Variants in RBFOX1 observed in about 807,000 individuals in gnomAD.
The protein encoded by RBFOX1 is RNA binding protein fox-1 homolog 1.
Under a neutral mutation model 57.7 loss-of-function variants are expected in RBFOX1, and 8 were observed. The ratio of observed to expected loss-of-function variants is 0.14; its 90% CI spans 0.08 to 0.25. The LOEUF is 0.25. RBFOX1 is among the 10% of genes least tolerant of loss of function. The pLI is 1.00. For synonymous variants in RBFOX1, 326 were observed against 222.4 expected (o/e 1.47, Z -4.15); for missense variants, 611 against 548.5 (o/e 1.11, Z -1.14).
chr16:7,077,465 T>G (rs534815469), intron 4 of RBFOX1, among the ~76,000 whole-genome samples: 4 of 149,948 alleles, frequency 2.7e-5, no homozygotes, highest in East Asian at 3.9e-4. Flanking sequence ...CGAACTAATC[T>G]GTGAATAACT....
intron 2 of RBFOX1, among the ~76,000 whole-genome samples, chr16:5,486,971 T>C (rs2042649664): frequency 6.6e-6 from 1 of 152,230 alleles, no homozygotes; most frequent in South Asian, 2.1e-4. Flanking sequence ...GAGACTCCGG[T>C]CCCCTGTAAT....
chr16:6,663,699 T>A (rs1038056164), intron 3 of RBFOX1, among the ~76,000 whole-genome samples: 1 of 152,238 alleles, frequency 6.6e-6, no homozygotes, highest in Non-Finnish European at 1.5e-5. Context: ...TTTAAGGCCG[T>A]TAGGCATATA....
At chr16:6,460,981 A>G (rs577222729) in intron 2 of RBFOX1, among the ~76,000 whole-genome samples, 1 of 152,174 alleles carries the variant, frequency 6.6e-6, no homozygotes, top group Non-Finnish European at 1.5e-5. Flanking sequence ...GGAAGCCATT[A>G]CCTTAGCAAA....
intron 1 of RBFOX1, among the ~76,000 whole-genome samples, chr16:6,204,293 T>C (rs945445171): frequency 5.3e-5 from 8 of 152,168 alleles, no homozygotes; most frequent in African/African-American, 1.9e-4. Context: ...CATGGATTGG[T>C]AATTTCATGA....
intron 3 of RBFOX1, among the ~76,000 whole-genome samples, chr16:6,692,899 T>C (rs546352997): frequency 6.6e-6 from 1 of 151,780 alleles, no homozygotes; most frequent in South Asian, 2.1e-4. Context: ...ACCATCATTA[T>C]CAGCATCATC....
chr16:5,355,249 G>A (rs2065357991), intron 1 of RBFOX1, among the ~76,000 whole-genome samples: 1 of 152,184 alleles, frequency 6.6e-6, no homozygotes, highest in Non-Finnish European at 1.5e-5. Flanking sequence ...GGAAATGGCA[G>A]ATGGCACACT....
chr16:5,258,192 A>T (rs2062638030), intron 1 of RBFOX1, among the ~76,000 whole-genome samples: 1 of 152,078 alleles, frequency 6.6e-6, no homozygotes, highest in Non-Finnish European at 1.5e-5. Context: ...AAGGTTTTTT[A>T]TTATTATTAT....
intron 5 of RBFOX1, among the ~76,000 whole-genome samples, chr16:7,534,979 C>T (rs566294838): frequency 2.0e-5 from 3 of 152,272 alleles, no homozygotes; most frequent in East Asian, 3.9e-4. Flanking sequence ...ACTGTAGACA[C>T]GAGGTAATTA....
At chr16:6,398,309 C>T (rs527485790) in intron 2 of RBFOX1, among the ~76,000 whole-genome samples, 1 of 152,250 alleles carries the variant, frequency 6.6e-6, no homozygotes, top group South Asian at 2.1e-4. Flanking sequence ...TGCTCCTGGT[C>T]CTTTCCAAAT....
At chr16:7,453,014 A>C (rs975468019) in intron 4 of RBFOX1, among the ~76,000 whole-genome samples, 2 of 151,890 alleles carry the variant, frequency 1.3e-5, no homozygotes, top group Admixed American at 1.3e-4. Flanking sequence ...CTGTAATTGC[A>C]GCTACTAGGG....
chr16:7,077,491 T>C (rs577520101), intron 4 of RBFOX1, among the ~76,000 whole-genome samples: 118 of 152,280 alleles, frequency 7.7e-4, no homozygotes, highest in Non-Finnish European at 1.4e-3. Context: ...ATTAGTAAGA[T>C]CATAAACATG....
intron 2 of RBFOX1, among the ~76,000 whole-genome samples, chr16:5,514,808 G>T (rs915633448): frequency 6.6e-6 from 1 of 152,062 alleles, no homozygotes; most frequent in Non-Finnish European, 1.5e-5. Flanking sequence ...AGATAACATA[G>T]TTCTGCCTTC....
intron 4 of RBFOX1, among the ~76,000 whole-genome samples, chr16:7,363,122 T>A (rs2097361882): frequency 6.6e-6 from 1 of 152,152 alleles, no homozygotes; most frequent in Non-Finnish European, 1.5e-5. Context: ...TCTTACGCTG[T>A]GACTGCTGGG....
At chr16:6,616,704 G>C (rs567729613) in intron 2 of RBFOX1, among the ~76,000 whole-genome samples, 1 of 152,146 alleles carries the variant, frequency 6.6e-6, no homozygotes, top group African/African-American at 2.4e-5. Flanking sequence ...CAAAGTTCTG[G>C]GATTGCAGGC....
chr16:5,289,264 A>T lies in RBFOX1; in HGVS notation c.219+49159A>T, dbSNP rs138293490. 4.2e-3 allele frequency: 1,672 copies of T among 397,202 alleles called. 25 individuals carry two copies. Among genetic ancestry groups the T allele is most frequent in the African/African-American group, 0.032 (1,548 of 49,028 alleles). The allele number at this position is 397,202 out of a possible 1,614,324, so 24.6% of individuals were successfully genotyped here. ...CATGAGACGGGCAGGAGGTTTCATC[A>T]TTGGGCACCCAGGCATCATGGGCAT... On this transcript the variant is annotated intron_variant, in intron 1 of 2. Coordinates refer to the RBFOX1 transcript ENST00000585867.
intron 4 of RBFOX1, among the ~76,000 whole-genome samples, chr16:7,396,751 C>G (rs1023278418): frequency 6.6e-6 from 1 of 152,096 alleles, no homozygotes; most frequent in Non-Finnish European, 1.5e-5. Context: ...AACAGCCTTG[C>G]CAACACTATG....
chr16:6,923,198 C>T (rs988374097), intron 3 of RBFOX1, among the ~76,000 whole-genome samples: 1 of 152,146 alleles, frequency 6.6e-6, no homozygotes, highest in Non-Finnish European at 1.5e-5. Context: ...TCTTCAGTTG[C>T]CTGCCTGAGC....
chr16:7,444,080 C>T (rs1360158707), intron 4 of RBFOX1, among the ~76,000 whole-genome samples: 1 of 152,210 alleles, frequency 6.6e-6, no homozygotes, highest in Non-Finnish European at 1.5e-5. Flanking sequence ...AACAAGACCA[C>T]ACATGTGCAA....
intron 1 of RBFOX1, among the ~76,000 whole-genome samples, chr16:6,086,621 T>C (rs994397397): frequency 6.6e-6 from 1 of 152,190 alleles, no homozygotes; most frequent in Non-Finnish European, 1.5e-5. Flanking sequence ...GCATGCTTGG[T>C]TGGGGTTCAT....
Sources: allele counts gnomAD v4.1 joint callset (sites outside exome capture counted in the v4.1 genomes callset), GRCh38; gene constraint gnomAD v4.1.1; transcripts MANE v1.5; gene names NCBI Gene and HGNC (gene_info 2026-07-23, HGNC 2026-07-21).